The following NRXN1 variants were observed in gnomAD, a reference collection of about 807,000 sequenced individuals.
NRXN1 encodes the protein neurexin-1.
NRXN1 carries 39 observed loss-of-function variants against 150.9 expected under a neutral mutation model. The ratio of observed to expected loss-of-function variants is 0.26; its 90% CI spans 0.20 to 0.34. The LOEUF is 0.34. Among genes scored for constraint, NRXN1 ranks in the 10% least tolerant of loss-of-function variants. The probability of loss-of-function intolerance (pLI) is 1.00; values close to 1 mark genes in which losing one functional copy is unlikely to be tolerated. For missense variants in NRXN1, 1,815 were observed against 1,949.9 expected (o/e 0.93, Z 1.30); for synonymous variants, 924 against 757.0 (o/e 1.22, Z -3.62).
chr2:49,967,978 A>C (rs925793724), intron 21 of NRXN1, among the ~76,000 whole-genome samples: 7 of 152,026 alleles, frequency 4.6e-5, no homozygotes, highest in African/African-American at 1.7e-4. Context: ...ACCATATTTT[A>C]AGCTGCTTAC....
chr2:50,561,187 T>C (rs1387004298), intron 8 of NRXN1, among the ~76,000 whole-genome samples: 2 of 152,222 alleles, frequency 1.3e-5, no homozygotes, highest in Non-Finnish European at 2.9e-5. Flanking sequence ...GTGCAATCTG[T>C]AGAAGTTATT....
intron 17 of NRXN1, among the ~76,000 whole-genome samples, chr2:50,373,244 G>C (rs377328897): frequency 6.7e-5 from 10 of 150,070 alleles, no homozygotes; most frequent in African/African-American, 2.2e-4. Context: ...GGCATTGACT[G>C]TTTTACCTAA....
At chr2:50,596,482 A>G (rs1219006540) in intron 8 of NRXN1, among the ~76,000 whole-genome samples, 2 of 152,236 alleles carry the variant, frequency 1.3e-5, no homozygotes, top group Non-Finnish European at 2.9e-5. Context: ...AATCACATTA[A>G]AAGAAATTAT....
chr2:50,991,105 T>C (rs1178445278), intron 2 of NRXN1, among the ~76,000 whole-genome samples: 1 of 152,080 alleles, frequency 6.6e-6, no homozygotes, highest in African/African-American at 2.4e-5. Flanking sequence ...GACTTAGCTT[T>C]TTCCCTCAAA....
intron 17 of NRXN1, among the ~76,000 whole-genome samples, chr2:50,375,904 C>T (rs1050807396): frequency 2.0e-5 from 3 of 151,778 alleles, no homozygotes; most frequent in African/African-American, 7.3e-5. Flanking sequence ...GAAATAAATA[C>T]AACCCCTTCA....
At chr2:50,169,210 C>A (rs896821859) in intron 18 of NRXN1, among the ~76,000 whole-genome samples, 1 of 152,080 alleles carries the variant, frequency 6.6e-6, no homozygotes, top group Admixed American at 6.6e-5. Flanking sequence ...GAAAGCCGTA[C>A]AGAAAGCAGT....
intron 5 of NRXN1, among the ~76,000 whole-genome samples, chr2:50,755,157 T>C (rs1422017920): frequency 2.0e-5 from 3 of 151,806 alleles, no homozygotes; most frequent in Non-Finnish European, 4.4e-5. Context: ...CCACTGGACA[T>C]ACTTTAGGGG....
intron 21 of NRXN1, among the ~76,000 whole-genome samples, chr2:49,987,251 T>C (rs921381509): frequency 6.6e-6 from 1 of 152,068 alleles, no homozygotes; most frequent in Non-Finnish European, 1.5e-5. Flanking sequence ...CTCCCACATA[T>C]GAGTGAGAAC....
At chr2:50,904,703 G>C (rs1021735857) in intron 5 of NRXN1, among the ~76,000 whole-genome samples, 1 of 152,024 alleles carries the variant, frequency 6.6e-6, no homozygotes, top group Non-Finnish European at 1.5e-5. Flanking sequence ...ATTTTATCTA[G>C]ATACATAATA....
At chr2:50,124,013 G>A (rs898824162) in intron 18 of NRXN1, among the ~76,000 whole-genome samples, 3 of 152,086 alleles carry the variant, frequency 2.0e-5, no homozygotes, top group African/African-American at 7.2e-5. Context: ...GGATATCCAG[G>A]GGAGTGGCTA....
intron 17 of NRXN1, among the ~76,000 whole-genome samples, chr2:50,266,959 T>A (rs1287379882): frequency 6.6e-6 from 1 of 152,224 alleles, no homozygotes; most frequent in Admixed American, 6.5e-5. Flanking sequence ...CATCTCTGTG[T>A]ACAGATAGCA....
intron 2 of NRXN1, among the ~76,000 whole-genome samples, chr2:51,004,312 A>G (rs1455765389): frequency 6.6e-6 from 1 of 152,002 alleles, no homozygotes; most frequent in Admixed American, 6.6e-5. Flanking sequence ...TATAGCAGCC[A>G]ATACATAAAG....
Position 50,322,913 on chromosome 2 carries a change from A to C in NRXN1, c.3365-85943T>G, listed in dbSNP as rs549764927. Among the ~76,000 whole-genome samples, 397 of 152,292 alleles carry C rather than the reference A, an allele frequency of 2.6e-3. 4 individuals are homozygous for C. Among genetic ancestry groups the C allele is most frequent in the Non-Finnish European group, 4.2e-3 (289 of 68,012 alleles). ...ACTCTAAAATGATGATCTCTCTCCT[A>C]ACTGTAAAATAATTCTAGTATTATT... On this transcript the variant is annotated intron_variant, in intron 17 of 22. Coordinates refer to ENST00000401669, the MANE Select transcript of NRXN1 (RefSeq NM_001330078.2).
chr2:50,031,479 C>A (rs922666301), intron 21 of NRXN1, among the ~76,000 whole-genome samples: 1 of 151,886 alleles, frequency 6.6e-6, no homozygotes, highest in Non-Finnish European at 1.5e-5. Flanking sequence ...AAATTCAATT[C>A]TCTTAGCCAA....
chr2:50,288,437 G>A (rs2072482281), intron 17 of NRXN1, among the ~76,000 whole-genome samples: 1 of 152,074 alleles, frequency 6.6e-6, no homozygotes, highest in Non-Finnish European at 1.5e-5. Context: ...AAGACATAAG[G>A]ATGACTTAAA....
intron 12 of NRXN1, among the ~76,000 whole-genome samples, chr2:50,521,047 T>C (rs555525439): frequency 2.6e-5 from 4 of 152,254 alleles, no homozygotes; most frequent in African/African-American, 7.2e-5. Context: ...TAGAATTCTT[T>C]AAGTTGTATA....
intron 2 of NRXN1, among the ~76,000 whole-genome samples, chr2:50,933,796 T>C (rs1029130826): frequency 2.4e-4 from 36 of 152,094 alleles, no homozygotes; most frequent in African/African-American, 8.2e-4. Flanking sequence ...CATTCACTAC[T>C]TAAGAAAACA....
chr2:50,233,143 T>A (rs1207641024), intron 18 of NRXN1, among the ~76,000 whole-genome samples: 1 of 152,118 alleles, frequency 6.6e-6, no homozygotes, highest in Non-Finnish European at 1.5e-5. Context: ...TTAAATTCTT[T>A]CAGAAAATAT....
intron 2 of NRXN1, among the ~76,000 whole-genome samples, chr2:51,024,680 A>T (rs1027281023): frequency 6.6e-6 from 1 of 152,288 alleles, no homozygotes; most frequent in East Asian, 1.9e-4. Context: ...GGGAGAGATA[A>T]TATTTTTATT....
Sources: gnomAD v4.1 joint callset for allele counts (sites outside exome capture counted in the v4.1 genomes callset) on GRCh38, gnomAD v4.1.1 for gene constraint, MANE v1.5 for transcripts, NCBI Gene and HGNC (gene_info 2026-07-23, HGNC 2026-07-21) for gene names.